Variants in NOLC1 observed in about 807,000 individuals in gnomAD.
NOLC1 encodes nucleolar and coiled-body phosphoprotein 1, also known as 140 kDa nucleolar phosphoprotein.
A neutral mutation model predicts 73.4 loss-of-function variants in NOLC1; 37 were observed. The ratio of observed to expected loss-of-function variants is 0.50; its 90% confidence interval spans 0.39 to 0.66. The LOEUF (loss-of-function observed/expected upper bound fraction) is 0.66, where lower values mean the gene tolerates loss of function less well. Ranked by LOEUF, NOLC1 falls within the 30% of genes least tolerant of loss-of-function variation. The probability of loss-of-function intolerance (pLI) is 0.00; values close to 1 mark genes in which losing one functional copy is unlikely to be tolerated. For synonymous variants in NOLC1, 327 were observed against 302.6 expected (o/e 1.08, Z -0.84); for missense variants, 921 against 838.9 (o/e 1.10, Z -1.21).
rs1564971876 is a variant in NOLC1 at position 102,160,783 on chromosome 10, C to T, written c.1431C>T (p.Ser477=). Residue 477 remains serine, a synonymous_variant, in exon 10 of 13, where the codon AGC becomes AGT. Coordinates refer to ENST00000605788, the MANE Select transcript of NOLC1 (RefSeq NM_004741.5). The part of the protein sequence containing the change: ...RDSSSDSDSS[S]SEEEEEKTSK... ...GCAGCTCTGATTCAGACAGCTCCAG[C>T]AGTGAGGAGGAGGAAGAGAAGACAT... 1.9e-6 allele frequency: 3 copies of T among 1,614,210 alleles called. No individual in the cohort carries two copies. Among genetic ancestry groups the T allele is most frequent in the Admixed American group, 1.7e-5 (1 of 60,026 alleles).
intron 1 of NOLC1, among the ~76,000 whole-genome samples, chr10:102,153,345 T>C (rs2069537385): frequency 6.6e-6 from 1 of 152,166 alleles, no homozygotes; most frequent in African/African-American, 2.4e-5. Flanking sequence ...TCCAAACACA[T>C]GTAAGAGTAA....
Position 102,163,275 on chromosome 10 carries a change from C to G in NOLC1, c.*1006C>G, listed in dbSNP as rs2069743477. The G allele has an allele frequency of 1.3e-5, 2 of 152,116 alleles. No individual in the cohort carries two copies. Among genetic ancestry groups the G allele is most frequent in the African/African-American group, 4.8e-5 (2 of 41,414 alleles). 9.4% of individuals were successfully genotyped at this position (152,116 alleles called of 1,614,324 possible). ...GGAAAAAAAACAAACGTTAAAACCTCAATCCTCAGTAGGAAGGTAGATTAC... is the reference window on the plus strand; with the variant it reads ...GGAAAAAAAACAAACGTTAAAACCTGAATCCTCAGTAGGAAGGTAGATTAC... On this transcript the variant is annotated 3_prime_UTR_variant, in exon 13 of 13. Coordinates refer to ENST00000605788, the MANE Select transcript of NOLC1 (RefSeq NM_004741.5).
Position 102,159,683 on chromosome 10 carries a change from C to G in NOLC1, c.859+115C>G, listed in dbSNP as rs927991751. 8.4e-6 allele frequency: 10 copies of G among 1,184,994 alleles called. No individual in the cohort carries two copies. In the African/African-American group the frequency reaches 1.5e-4, roughly 18 times the overall value. The allele number at this position is 1,184,994 out of a possible 1,614,324, so 73.4% of individuals were successfully genotyped here. A position where few individuals can be genotyped will look rare whatever the true frequency, so the allele number is the denominator to read the frequency against. ...GTCCTCATGACATGACAGCTAGCTT[C>G]TCCGAGCACTAGTGATCCAGGAAAG... is the stretch of plus-strand genomic sequence containing the variant. On this transcript the variant is annotated intron_variant, in intron 7 of 12. Coordinates refer to ENST00000605788, the MANE Select transcript of NOLC1 (RefSeq NM_004741.5).
At chr10:102,158,334 T>C (rs568732255) in intron 5 of NOLC1, 120 bp downstream of exon 5, 1 of 641,738 alleles carries the variant, frequency 1.6e-6, no homozygotes, top group Non-Finnish European at 2.5e-6. Context: ...GAGGTGTTGA[T>C]TACTGGTCTT....
chr10:102,159,042 G>C (rs1249990927), intron 5 of NOLC1, 151 bp from the exon 6 acceptor site: 1 of 850,106 alleles, frequency 1.2e-6, no homozygotes, highest in East Asian at 2.6e-5. Context: ...CTGTGCAACA[G>C]AGCCAGAGCC....
In NOLC1 at chr10:102,160,817, G is replaced by A. The variant is rs1230796314; in HGVS notation, c.1465G>A (p.Ala489Thr). The change falls in exon 10 of 13, where the codon GCA becomes ACA. Residue 489 changes from alanine to threonine, a missense_variant. Ala to Thr is a moderately conservative substitution (Grantham distance 58). Coordinates refer to ENST00000605788, the MANE Select transcript of NOLC1 (RefSeq NM_004741.5). ...EEEEEKTSKS[A>T]VKKKPQKVAG... ...GGAGGAAGAGAAGACATCTAAGTCTGCAGTTAAGAAGAAGCCACAGAAGGT... is the reference window on the plus strand; with the variant it reads ...GGAGGAAGAGAAGACATCTAAGTCTACAGTTAAGAAGAAGCCACAGAAGGT... 1 of 1,614,226 alleles carries A rather than the reference G, an allele frequency of 6.2e-7. No individual in the cohort carries two copies. The highest frequency in any genetic ancestry group is 1.3e-5 in the African/African-American group (1 of 75,056).
At chr10:102,160,143 A>C in intron 8 of NOLC1, 90 bp from the exon 9 acceptor site, 1 of 1,577,958 alleles carries the variant, frequency 6.3e-7, no homozygotes, top group Non-Finnish European at 8.7e-7. Flanking sequence ...GACAGAGCTA[A>C]GGCTCTGTGC....
intron 1 of NOLC1, among the ~76,000 whole-genome samples, chr10:102,156,681 C>T (rs1331613481): frequency 2.0e-5 from 3 of 152,090 alleles, no homozygotes; most frequent in African/African-American, 7.2e-5. Flanking sequence ...GATCTGCCTG[C>T]CTCGGCCTCC....
rs780780938 is a variant in NOLC1, at chr10:102,161,050, GGAA to G, written c.1705_1707del (p.Glu569del). 6.8e-6 allele frequency: 11 copies of G among 1,611,262 alleles called. No homozygotes were observed. Among genetic ancestry groups the G allele is most frequent in the Non-Finnish European group, 7.6e-6 (9 of 1,179,422 alleles). On this transcript the variant is annotated inframe_deletion, in exon 10 of 13. Coordinates refer to ENST00000605788, the MANE Select transcript of NOLC1 (RefSeq NM_004741.5). ...AAGCAGCTAAGAACAGTGAGGAGGA[GGAA>G]GAAGAAAAGAAAAAGGCGGCAGTGG...
intron 1 of NOLC1, among the ~76,000 whole-genome samples, chr10:102,153,963 G>A (rs555343258): frequency 7.9e-5 from 12 of 151,718 alleles, no homozygotes; most frequent in Non-Finnish European, 1.6e-4. Context: ...GCGAGCCACC[G>A]TGCCCGGCCT....
At position 102,160,875 on chromosome 10, in the gene NOLC1, C is replaced by T. The variant is rs770019664; in HGVS notation, c.1523C>T (p.Ser508Phe). Residue 508 changes from serine (S) to phenylalanine (F), a missense_variant, in exon 10 of 13, where the codon TCT (serine) becomes TTT (phenylalanine). By Grantham distance (155) the Ser-to-Phe change is radical. Coordinates refer to ENST00000605788, the MANE Select transcript of NOLC1 (RefSeq NM_004741.5). ...AGGAAPSKPA[S>F]AKKGKAESSN... ...GGTGCAGCCCCTTCCAAGCCAGCCT[C>T]TGCAAAGAAAGGAAAGGCTGAGAGC... 1.9e-5 allele frequency: 31 copies of T among 1,614,002 alleles called. No individual in the cohort carries two copies. Among genetic ancestry groups the T allele is most frequent in the Non-Finnish European group, 2.5e-5 (30 of 1,180,020 alleles).
At chr10:102,158,824 G>C (rs1437345091) in intron 5 of NOLC1, among the ~76,000 whole-genome samples, 1 of 152,118 alleles carries the variant, frequency 6.6e-6, no homozygotes, top group Non-Finnish European at 1.5e-5. Context: ...GCCAGGCACA[G>C]TGGCTCACAC....
intron 7 of NOLC1, 100 bp from the exon 8 acceptor site, chr10:102,159,796 A>C: frequency 7.9e-7 from 1 of 1,264,454 alleles, no homozygotes; most frequent in African/African-American, 1.5e-5. Flanking sequence ...TCTGGCCCAT[A>C]CTCAAGTGAA....
chr10:102,157,037 G>A lies in NOLC1; in HGVS notation c.139G>A (p.Ala47Thr), dbSNP rs1444187379. 1 of 1,614,038 alleles carries A rather than the reference G, an allele frequency of 6.2e-7. No individual in the cohort carries two copies. The highest frequency in any genetic ancestry group is 1.1e-5 in the South Asian group (1 of 91,084). Reference protein sequence around the residue: ...ATGATQQDANASSLLDIYSFW... With the variant: ...ATGATQQDANTSSLLDIYSFW... The stretch of plus-strand genomic sequence containing the variant: ...TCTACAGACACAGCAGGATGCCAAT[G>A]CCTCTTCCCTCTTAGACATCTATAG... The change falls in exon 2 of 13, where the codon GCC (alanine) becomes ACC (threonine). Residue 47 changes from alanine (A) to threonine (T), a missense_variant. Physicochemically the swap from Ala to Thr is moderately conservative, Grantham distance 58. Coordinates refer to ENST00000605788, the MANE Select transcript of NOLC1 (RefSeq NM_004741.5).
intron 5 of NOLC1, 122 bp from the exon 6 acceptor site, chr10:102,159,071 A>C: frequency 1.5e-6 from 1 of 680,284 alleles, no homozygotes; most frequent in Non-Finnish European, 2.0e-6. Context: ...TCTCCAAAAA[A>C]AAAAAAAAAA....
rs192399476 is a variant in NOLC1 at position 102,158,133 on chromosome 10, G to A, written c.526G>A (p.Glu176Lys). 6.2e-6 allele frequency: 10 copies of A among 1,614,100 alleles called. No individual in the cohort carries two copies. In the East Asian group the frequency reaches 1.8e-4, roughly 29 times the overall value. Residue 176 changes from glutamate to lysine, a missense_variant, in exon 5 of 13, where the codon GAG becomes AAG. Transcript: ENST00000605788. ...SSDSDSDSSS[E>K]DEPPKNQKPK... ...TGATTCTGATTCTGACTCAAGCTCC[G>A]AGGATGAGCCACCAAAGAACCAGAA...
chr10:102,159,508 A>T lies in NOLC1; in HGVS notation c.799A>T (p.Ser267Cys). The part of the protein sequence containing the change: ...ATTPTRKSSS[S>C]EDSSSDEEEE... ...CACCCCTACCCGGAAGAGTTCTAGCAGTGAGGATTCCTCCAGTGACGAGGA... is the reference window on the plus strand; with the variant it reads ...CACCCCTACCCGGAAGAGTTCTAGCTGTGAGGATTCCTCCAGTGACGAGGA... Residue 267 changes from serine to cysteine, a missense_variant, in exon 7 of 13, where the codon AGT becomes TGT. Ser to Cys is a moderately radical substitution (Grantham distance 112). Transcript: ENST00000605788. 6.2e-7 allele frequency: 1 copy of T among 1,614,214 alleles called. No homozygotes were observed. Among genetic ancestry groups the T allele is most frequent in the Non-Finnish European group, 8.5e-7 (1 of 1,180,032 alleles).
rs781614967 is a variant in NOLC1 at position 102,160,005 on chromosome 10, A to G, written c.969A>G (p.Glu323=). 3.1e-6 allele frequency: 5 copies of G among 1,613,004 alleles called. No homozygotes were observed. Among genetic ancestry groups the G allele is most frequent in the Non-Finnish European group, 2.5e-6 (3 of 1,179,468 alleles). Residue 323 remains glutamate, a synonymous_variant, in exon 8 of 13, where the codon GAA becomes GAG. Transcript: ENST00000605788. The stretch of plus-strand genomic sequence containing the variant: ...AGCAGCAGCCTGTGGAAAGCAGTGA[A>G]GACAGCAGTGATGAGTCTGGTGAGT... ...VEKQQPVESS[E]DSSDESDSSS...
In NOLC1 at chr10:102,159,251, C is replaced by CAGCAGT; in HGVS notation, c.671_672insTAGCAG (p.Ser226_Ser227dup). The CAGCAGT allele has an allele frequency of 6.2e-7, 1 of 1,613,770 alleles. No homozygotes were observed. Among genetic ancestry groups the CAGCAGT allele is most frequent in the East Asian group, 2.2e-5 (1 of 44,872 alleles). The stretch of plus-strand genomic sequence containing the variant: ...CAGCCAGTAGCAGCAGTAGCAGCAG[C>CAGCAGT]AGCAGCAGTAGCAGTGATGACTCAG... On this transcript the variant is annotated inframe_insertion, in exon 6 of 13. Transcript: ENST00000605788.
Sources: gnomAD v4.1 joint callset for allele counts (sites outside exome capture counted in the v4.1 genomes callset) on GRCh38, gnomAD v4.1.1 for gene constraint, MANE v1.5 for transcripts, NCBI Gene and HGNC (gene_info 2026-07-23, HGNC 2026-07-21) for gene names.